Variants in DEFB110 observed in about 807,000 individuals in gnomAD.
DEFB110 encodes the protein beta-defensin 110.
DEFB110 carries 4 observed loss-of-function variants against 2.5 expected under a neutral mutation model. That is an observed-to-expected ratio of 1.60 (90% confidence interval 0.79 to 3.66). DEFB110 has a LOEUF of 3.66. Ranked by LOEUF, DEFB110 falls within the 30% of genes most tolerant of loss-of-function variation. DEFB110 has a pLI of 0.01. For synonymous variants in DEFB110, 29 were observed against 21.8 expected (o/e 1.33, Z -0.92); for missense variants, 94 against 75.4 (o/e 1.25, Z -0.91).
downstream of DEFB110, among the ~76,000 whole-genome samples, chr6:50,016,666 G>T: frequency 6.6e-6 from 1 of 151,456 alleles, no homozygotes; most frequent in East Asian, 1.9e-4. Context: ...TCATCAAAAG[G>T]GTTTCTAGAG....
In DEFB110 at chr6:50,019,089, A is replaced by G; in HGVS notation, c.92T>C (p.Leu31Ser). 1 of 1,613,054 alleles carries G rather than the reference A, an allele frequency of 6.2e-7. No homozygotes were observed. The highest frequency in any genetic ancestry group is 8.5e-7 in the Non-Finnish European group (1 of 1,179,326). ...ATTACCTATTCTGCACTCTCTCCTC[A>G]AGTCCAAGCTACCATACTCAGGATA... ...KKYPEYGSLD[L>S]RRECRIGNGQ... The change falls in exon 2 of 2, where the codon TTG becomes TCG. Residue 31 changes from leucine (L) to serine (S), a missense_variant. Leu to Ser is a moderately radical substitution (Grantham distance 145, BLOSUM62 -2). Transcript: ENST00000371148.
rs1774370264 is a variant in DEFB110 at position 50,019,066 on chromosome 6, T to G, written c.115A>C (p.Asn39His). Reference sequence around the variant, plus strand: ...TGACACTGATTTTTACATTGACCATTACCTATTCTGCACTCTCTCCTCAAG... The same window carrying G: ...TGACACTGATTTTTACATTGACCATGACCTATTCTGCACTCTCTCCTCAAG... ...LDLRRECRIG[N>H]GQCKNQCHEN... Residue 39 changes from asparagine (N) to histidine (H), a missense_variant, in exon 2 of 2, where the codon AAT becomes CAT. By Grantham distance (68) the Asn-to-His change is moderately conservative. Coordinates refer to ENST00000371148, the MANE Select transcript of DEFB110 (RefSeq NM_001037497.2). 1.9e-6 allele frequency: 3 copies of G among 1,613,172 alleles called. No individual in the cohort carries two copies. Among genetic ancestry groups the G allele is most frequent in the Non-Finnish European group, 2.5e-6 (3 of 1,179,460 alleles).
chr6:50,018,874 C>A lies in DEFB110; in HGVS notation c.*103G>T. The stretch of plus-strand genomic sequence containing the variant: ...GTTCAACATTAATTTTTATTTAGTT[C>A]TTGTGTATTATAGAGACACACACGC... On this transcript the variant is annotated 3_prime_UTR_variant, in exon 2 of 2. Transcript: ENST00000371148. The A allele has an allele frequency of 6.9e-7, 1 of 1,450,296 alleles. No individual in the cohort carries two copies. The highest frequency in any genetic ancestry group is 9.0e-7 in the Non-Finnish European group (1 of 1,107,260). 89.8% of individuals were successfully genotyped at this position (1,450,296 alleles called of 1,614,324 possible). A position where few individuals can be genotyped will look rare whatever the true frequency, so the allele number is the denominator to read the frequency against.
chr6:50,015,210 TC>T (rs1339155213), downstream of DEFB110, among the ~76,000 whole-genome samples: 45 of 151,878 alleles, frequency 3.0e-4, no homozygotes, highest in South Asian at 1.0e-3. Flanking sequence ...CTACATCCAT[TC>T]CTCATTGTTT....
chr6:50,018,810 G>C, downstream of DEFB110: 2 of 1,296,660 alleles, frequency 1.5e-6, no homozygotes, highest in Non-Finnish European at 1.9e-6. Context: ...TAATGGAAAG[G>C]CACCAGACAT....
chr6:50,012,380 G>GA (rs1003461078), intron 1 of DEFB110, among the ~76,000 whole-genome samples: 9 of 151,132 alleles, frequency 6.0e-5, no homozygotes, highest in Admixed American at 2.0e-4. Flanking sequence ...ATAAATAACT[G>GA]AAAAAAAAGA....
chr6:50,017,667 A>T (rs1433954147), downstream of DEFB110, among the ~76,000 whole-genome samples: 1 of 151,580 alleles, frequency 6.6e-6, no homozygotes, highest in Non-Finnish European at 1.5e-5. Flanking sequence ...AAGAAAACAC[A>T]CTGAACAATC....
chr6:50,018,599 G>A (rs769849372), downstream of DEFB110, among the ~76,000 whole-genome samples: 21 of 151,998 alleles, frequency 1.4e-4, no homozygotes, highest in South Asian at 6.2e-4. Flanking sequence ...AAATAACAGC[G>A]CATTTCCACT....
At chr6:50,017,041 C>T (rs1561991694), downstream of DEFB110, among the ~76,000 whole-genome samples, 1 of 151,638 alleles carries the variant, frequency 6.6e-6, no homozygotes, top group Non-Finnish European at 1.5e-5. Flanking sequence ...TATATTAGGC[C>T]TCTCAATTCT....
downstream of DEFB110, among the ~76,000 whole-genome samples, chr6:50,017,334 A>T (rs1774335686): frequency 6.6e-6 from 1 of 151,806 alleles, no homozygotes; most frequent in African/African-American, 2.4e-5. Flanking sequence ...TGATTTTTTT[A>T]TTGTTTCCAT....
intron 1 of DEFB110, among the ~76,000 whole-genome samples, chr6:50,019,689 A>G (rs1774385407): frequency 6.6e-6 from 1 of 152,096 alleles, no homozygotes; most frequent in African/African-American, 2.4e-5. Flanking sequence ...AAGAAAAAAA[A>G]AGTGGAGCCA....
At position 50,012,996 on chromosome 6, in the gene DEFB110, C is replaced by A. The variant is rs1257460981; in HGVS notation, c.56-3725G>T. 3.3e-5 allele frequency among the ~76,000 whole-genome samples: 5 copies of A among 151,804 alleles called. No homozygotes were observed. In the East Asian group the frequency reaches 7.7e-4, roughly 23 times the overall value. ...CTCTTCCTGGAATAGTCTATTTTTA[C>A]TATTACTATTTTAACTGCTACTACC... On this transcript the variant is annotated intron_variant, in intron 1 of 1. Transcript: ENST00000393660.
downstream of DEFB110, among the ~76,000 whole-genome samples, chr6:50,017,514 G>A (rs188398851): frequency 1.3e-5 from 2 of 152,010 alleles, no homozygotes; most frequent in East Asian, 1.9e-4. Context: ...GTGGGTAGGA[G>A]TTAAGGATGC....
chr6:50,016,359 C>T (rs2113940218), downstream of DEFB110, among the ~76,000 whole-genome samples: 1 of 151,780 alleles, frequency 6.6e-6, no homozygotes, highest in Admixed American at 6.6e-5. Flanking sequence ...TCACAAGAAA[C>T]TAAATATGAA....
At position 50,019,077 on chromosome 6, in the gene DEFB110, C is replaced by T. The variant is rs765136276; in HGVS notation, c.104G>A (p.Cys35Tyr). ...EYGSLDLRRE[C>Y]RIGNGQCKNQ... Reference sequence around the variant, plus strand: ...TTTACATTGACCATTACCTATTCTGCACTCTCTCCTCAAGTCCAAGCTACC... The same window carrying T: ...TTTACATTGACCATTACCTATTCTGTACTCTCTCCTCAAGTCCAAGCTACC... Residue 35 changes from cysteine (C) to tyrosine (Y), a missense_variant, in exon 2 of 2, where the codon TGC becomes TAC. By Grantham distance (194) the Cys-to-Tyr change is radical (BLOSUM62 -2). Transcript: ENST00000371148. The T allele has an allele frequency of 6.2e-7, 1 of 1,613,224 alleles. No homozygotes were observed. The highest frequency in any genetic ancestry group is 8.5e-7 in the Non-Finnish European group (1 of 1,179,388).
intron 1 of DEFB110, 115 bp from the exon 2 acceptor site, chr6:50,019,240 T>C: frequency 9.1e-7 from 1 of 1,101,186 alleles, no homozygotes; most frequent in South Asian, 1.6e-5. Flanking sequence ...CACCTACCTA[T>C]GGAGGAAAGT....
chr6:50,012,722 A>T (rs1289490691), intron 1 of DEFB110, among the ~76,000 whole-genome samples: 1 of 151,914 alleles, frequency 6.6e-6, no homozygotes, highest in African/African-American at 2.4e-5. Flanking sequence ...CTCTACTTTT[A>T]CTGTTAAATG....
At chr6:50,021,802 T>G in intron 1 of DEFB110, 79 bp downstream of exon 1, 1 of 1,324,748 alleles carries the variant, frequency 7.5e-7, no homozygotes. Flanking sequence ...CCTATGTTAT[T>G]ATCATATTTT....
chr6:50,009,300 T>C (rs1774187724), intron 1 of DEFB110: 1 of 1,577,290 alleles, frequency 6.3e-7, no homozygotes, highest in East Asian at 2.3e-5. Flanking sequence ...TCTAAAGTTA[T>C]TAGTCTATTA....
Sources: allele counts gnomAD v4.1 joint callset (sites outside exome capture counted in the v4.1 genomes callset), GRCh38; gene constraint gnomAD v4.1.1; transcripts MANE v1.5; gene names NCBI Gene and HGNC (gene_info 2026-07-23, HGNC 2026-07-21).